The following PRH1 variants were observed in gnomAD, a reference collection of about 807,000 sequenced individuals.
The protein encoded by PRH1 is proline rich protein HaeIII subfamily 1.
Under a neutral mutation model 7.9 loss-of-function variants are expected in PRH1, and 7 were observed. The observed-to-expected ratio is 0.89, with a 90% CI of 0.50 to 1.67. The LOEUF is 1.67. Ranked by LOEUF, PRH1 falls within the 40% of genes most tolerant of loss-of-function variation. The probability of loss-of-function intolerance (pLI) is 0.00; values close to 1 mark genes in which losing one functional copy is unlikely to be tolerated. For missense variants in PRH1, 109 were observed against 223.6 expected (o/e 0.49, Z 3.27); for synonymous variants, 45 against 80.8 (o/e 0.56, Z 2.38).
chr12:11,061,562 T>G (rs756108410), intron 1 of PRH1: 1 of 1,455,824 alleles, frequency 6.9e-7, no homozygotes, highest in Non-Finnish European at 9.2e-7. Context: ...GACATGATTA[T>G]GGACAGAAAG....
downstream of PRH1, among the ~76,000 whole-genome samples, chr12:11,118,098 A>C: frequency 6.6e-6 from 1 of 152,220 alleles, no homozygotes; most frequent in Non-Finnish European, 1.5e-5. Flanking sequence ...ACTTCTGCAC[A>C]GCAAAGGTAT....
chr12:11,031,437 C>G, intron 1 of PRH1: 1 of 1,365,246 alleles, frequency 7.3e-7, no homozygotes, highest in South Asian at 1.4e-5. Flanking sequence ...AATGGAGCCA[C>G]CGACCTTCAC....
chr12:11,021,944 G>C, intron 1 of PRH1: 1 of 1,614,040 alleles, frequency 6.2e-7, no homozygotes, highest in South Asian at 1.1e-5. Context: ...CTATGGAGCC[G>C]CATCTTCTTG....
intron 1 of PRH1, among the ~76,000 whole-genome samples, chr12:11,025,985 ACTC>A (rs1941891471): frequency 6.6e-6 from 1 of 151,814 alleles, no homozygotes; most frequent in Admixed American, 6.6e-5. Flanking sequence ...TTTTTGTTTT[ACTC>A]GATACTGTTT....
chr12:11,054,423 G>C (rs1433956588), intron 1 of PRH1, among the ~76,000 whole-genome samples: 1 of 152,100 alleles, frequency 6.6e-6, no homozygotes, highest in Non-Finnish European at 1.5e-5. Context: ...TTTAATCTCA[G>C]CTACTGTCAC....
intron 1 of PRH1, among the ~76,000 whole-genome samples, chr12:11,041,235 T>G (rs1942693891): frequency 8.0e-6 from 1 of 125,294 alleles, no homozygotes; most frequent in African/African-American, 3.1e-5. Flanking sequence ...TATAAAGACA[T>G]GCACAGAGAG....
chr12:10,997,015 C>A, intron 1 of PRH1: 1 of 1,613,982 alleles, frequency 6.2e-7, no homozygotes, highest in Non-Finnish European at 8.5e-7. Context: ...GAAAGGTCTG[C>A]TTTAGCGTCT....
chr12:11,082,207 A>C lies in PRH1; in HGVS notation n.124-35019T>G, dbSNP rs187534573. Among the ~76,000 whole-genome samples the C allele has an allele frequency of 2.0e-3, 235 of 116,514 alleles. 80 individuals carry two copies. The highest frequency in any genetic ancestry group is 3.7e-3 in the Non-Finnish European group (183 of 49,104). The allele number at this position is 116,514 out of a possible 152,430, so 76.4% of individuals were successfully genotyped here. ...ATGATGATAATGATGATGTCAGCTA[A>C]AAGGTAGAATGTTATTTAATAAATG... On this transcript the variant is annotated intron_variant and non_coding_transcript_variant, in intron 1 of 4. Transcript: ENST00000541977.
At chr12:11,071,296 A>G (rs1336357691) in intron 1 of PRH1, among the ~76,000 whole-genome samples, 1 of 151,812 alleles carries the variant, frequency 6.6e-6, no homozygotes, top group Non-Finnish European at 1.5e-5. Flanking sequence ...CTACTTGGCC[A>G]CTTTTATAAT....
At chr12:11,034,034 A>G in intron 1 of PRH1, among the ~76,000 whole-genome samples, 1 of 124,856 alleles carries the variant, frequency 8.0e-6, no homozygotes, top group African/African-American at 3.0e-5. Flanking sequence ...TATTTCCTCA[A>G]TTTTCTTCAT....
intron 2 of PRH1, among the ~76,000 whole-genome samples, chr12:10,961,796 C>T (rs916334502): frequency 6.6e-6 from 1 of 152,140 alleles, no homozygotes; most frequent in African/African-American, 2.4e-5. Flanking sequence ...CAGATACATT[C>T]TCCCTCCTCT....
chr12:11,046,476 A>G lies in PRH1; in HGVS notation c.-126+544T>C, dbSNP rs538640336. 7.7e-4 allele frequency among the ~76,000 whole-genome samples: 117 copies of G among 152,124 alleles called. 2 individuals carry two copies. The highest frequency in any genetic ancestry group is 6.1e-3 in the Admixed American group (93 of 15,280). On this transcript the variant is annotated intron_variant, in intron 1 of 3. Coordinates refer to the PRH1 transcript ENST00000539853. Reference sequence around the variant, plus strand: ...CCTCCTGCTGCTCGTGTTATGCCAAACTCAGTCCTCTGTTACTTCAACCCA... The same window carrying G: ...CCTCCTGCTGCTCGTGTTATGCCAAGCTCAGTCCTCTGTTACTTCAACCCA...
At chr12:10,914,205 A>T (rs1418321362) in intron 2 of PRH1, among the ~76,000 whole-genome samples, 1 of 152,232 alleles carries the variant, frequency 6.6e-6, no homozygotes. Flanking sequence ...CTAGAAAAAA[A>T]ATATAATTGA....
chr12:11,093,574 C>G (rs527371063), intron 1 of PRH1, among the ~76,000 whole-genome samples: 2 of 115,274 alleles, frequency 1.7e-5, no homozygotes, highest in Admixed American at 1.7e-4. Flanking sequence ...TAAAGTTCGT[C>G]TCAAGTCTAA....
chr12:10,986,600 G>A, intron 1 of PRH1: 1 of 1,613,970 alleles, frequency 6.2e-7, no homozygotes. Context: ...TTACAACCCA[G>A]GCATTATAAG....
intron 1 of PRH1, among the ~76,000 whole-genome samples, chr12:10,976,708 A>G (rs1248488350): frequency 1.3e-5 from 2 of 152,088 alleles, no homozygotes; most frequent in African/African-American, 2.4e-5. Flanking sequence ...ATACAAATGA[A>G]CACTTTCAGA....
intron 1 of PRH1, among the ~76,000 whole-genome samples, chr12:11,139,362 C>T (rs988924614): frequency 7.9e-5 from 12 of 152,140 alleles, no homozygotes; most frequent in African/African-American, 2.7e-4. Context: ...TGATATTTCC[C>T]TTTTATTTCC....
chr12:11,116,592 G>T (rs1349477667), downstream of PRH1, among the ~76,000 whole-genome samples: 1 of 151,934 alleles, frequency 6.6e-6, no homozygotes. Context: ...TTGTTACCCT[G>T]ATACCAAAAC....
intron 2 of PRH1, among the ~76,000 whole-genome samples, chr12:10,969,954 C>T (rs770612400): frequency 6.6e-6 from 1 of 152,146 alleles, no homozygotes. Context: ...GCATCCACCA[C>T]CACACCCGGC....
Sources: gnomAD v4.1 joint callset for allele counts (sites outside exome capture counted in the v4.1 genomes callset) on GRCh38, gnomAD v4.1.1 for gene constraint, MANE v1.5 for transcripts, NCBI Gene and HGNC (gene_info 2026-07-23, HGNC 2026-07-21) for gene names.